The following CNST variants were observed in gnomAD, a reference collection of about 807,000 sequenced individuals.
CNST encodes consortin, connexin sorting protein.
In CNST, 39 loss-of-function variants were observed where a neutral mutation model predicts 72.4. The observed-to-expected ratio is 0.54, with a 90% CI of 0.42 to 0.70. The LOEUF (loss-of-function observed/expected upper bound fraction) is 0.70, where lower values mean the gene tolerates loss of function less well. CNST is among the 30% of genes least tolerant of loss of function. The probability of loss-of-function intolerance (pLI) is 0.00; values close to 1 mark genes in which losing one functional copy is unlikely to be tolerated. For missense variants in CNST, 871 were observed against 868.5 expected, an observed-to-expected ratio of 1.00 and a Z score of -0.04; for synonymous variants, 332 against 320.1, an observed-to-expected ratio of 1.04 and a Z score of -0.40.
rs1666193001 is a variant in CNST at position 246,647,731 on chromosome 1, C to T, written c.1530C>T (p.Leu510=). The change falls in exon 9 of 11, where the codon CTC becomes CTT. Residue 510 remains leucine, a synonymous_variant. Coordinates refer to ENST00000366513, the MANE Select transcript of CNST (RefSeq NM_152609.3). ...QADSDGSENV[L]CGNNQISDLG... ...ACTCAGACGGTTCTGAGAATGTGCT[C>T]TGTGGAAATAATCAAATATCTGACT... 1 of 1,614,022 alleles carries T rather than the reference C, an allele frequency of 6.2e-7. No homozygotes were observed. The highest frequency in any genetic ancestry group is 1.3e-5 in the African/African-American group (1 of 74,910).
At chr1:246,606,727 C>T (rs1233361012) in intron 2 of CNST, 3 of 151,866 alleles carry the variant, frequency 2.0e-5, no homozygotes. Context: ...CGGTCTTTGG[C>T]TTCCTCCTGC....
chr1:246,613,032 T>C (rs1663437654), intron 2 of CNST, among the ~76,000 whole-genome samples: 1 of 152,192 alleles, frequency 6.6e-6, no homozygotes, highest in Non-Finnish European at 1.5e-5. Flanking sequence ...ATGTGGATTA[T>C]CTCATTTACT....
At position 246,642,034 on chromosome 1, in the gene CNST, T is replaced by A. The variant is rs1320978901; in HGVS notation, c.934T>A (p.Ser312Thr). 6.3e-7 allele frequency: 1 copy of A among 1,594,290 alleles called. No individual in the cohort carries two copies. Among genetic ancestry groups the A allele is most frequent in the African/African-American group, 1.3e-5 (1 of 74,226 alleles). Residue 312 changes from serine (S) to threonine (T), a missense_variant, in exon 8 of 11, where the codon TCA becomes ACA. Ser to Thr is a moderately conservative substitution (Grantham distance 58). Coordinates refer to ENST00000366513, the MANE Select transcript of CNST (RefSeq NM_152609.3). ...GGAAGGAGGAGCTACCACCAAAGAG[T>A]CAGGTATGTTTTTAACTTAAGCTAT... ...PKEGGATTKE[S>T]ESKTCLGTES...
In CNST at chr1:246,633,918, A is replaced by G; in HGVS notation, c.617-6A>G. On this transcript the variant is annotated splice_region_variant and splice_polypyrimidine_tract_variant and intron_variant, in intron 4 of 10. Coordinates refer to ENST00000366513, the MANE Select transcript of CNST (RefSeq NM_152609.3). Reference sequence around the variant, plus strand: ...GATTTCTATTTTCCTTAAATGTTCTATTCAGATGAGAAAGCAATGAAATTC... The same window carrying G: ...GATTTCTATTTTCCTTAAATGTTCTGTTCAGATGAGAAAGCAATGAAATTC... 1 of 1,580,902 alleles carries G rather than the reference A, an allele frequency of 6.3e-7. No individual in the cohort carries two copies. The highest frequency in any genetic ancestry group is 8.7e-7 in the Non-Finnish European group (1 of 1,149,806).
intron 5 of CNST, 22 bp downstream of exon 5, chr1:246,634,032 A>C: frequency 6.8e-7 from 1 of 1,460,034 alleles, no homozygotes; most frequent in Non-Finnish European, 9.6e-7. Context: ...CCAACATGGA[A>C]TGTGGAATTA....
chr1:246,594,543 G>T (rs1359399616), intron 2 of CNST, among the ~76,000 whole-genome samples: 1 of 152,104 alleles, frequency 6.6e-6, no homozygotes, highest in Non-Finnish European at 1.5e-5. Context: ...GGCTGACAGG[G>T]CAGATCACTT....
rs928471830 is a variant in CNST at position 246,618,580 on chromosome 1, C to T, written c.380-2849C>T. Among the ~76,000 whole-genome samples the T allele has an allele frequency of 5.3e-5, 8 of 152,076 alleles. No individual in the cohort carries two copies. In the East Asian group the frequency reaches 5.8e-4, roughly 11 times the overall value. ...CTCCCTACACTCAATGATTAAAGTA[C>T]GATATTCTTTCTAATTGCCCATTAG... On this transcript the variant is annotated intron_variant, in intron 2 of 10. Coordinates refer to ENST00000366513, the MANE Select transcript of CNST (RefSeq NM_152609.3).
At chr1:246,636,630 C>T (rs1665269960) in intron 6 of CNST, among the ~76,000 whole-genome samples, 2 of 152,246 alleles carry the variant, frequency 1.3e-5, no homozygotes, top group African/African-American at 2.4e-5. Flanking sequence ...TCCATTCTCT[C>T]TTTCTGTCTT....
intron 8 of CNST, among the ~76,000 whole-genome samples, chr1:246,646,030 A>C (rs923390286): frequency 6.6e-5 from 10 of 152,008 alleles, no homozygotes; most frequent in Admixed American, 2.0e-4. Context: ...CTGTAATCCC[A>C]GCACTTTGGG....
At chr1:246,630,181 G>A (rs527864609) in intron 3 of CNST, among the ~76,000 whole-genome samples, 13 of 152,292 alleles carry the variant, frequency 8.5e-5, no homozygotes, top group African/African-American at 2.2e-4. Flanking sequence ...TGACACCACT[G>A]AAATGAGCAA....
At chr1:246,619,543 C>T (rs961768884) in intron 2 of CNST, among the ~76,000 whole-genome samples, 1 of 152,164 alleles carries the variant, frequency 6.6e-6, no homozygotes, top group Non-Finnish European at 1.5e-5. Context: ...TACTGTACTG[C>T]AACCTAGCGT....
At chr1:246,653,500 A>G (rs1666603833) in intron 9 of CNST, among the ~76,000 whole-genome samples, 1 of 152,226 alleles carries the variant, frequency 6.6e-6, no homozygotes, top group Admixed American at 6.5e-5. Flanking sequence ...CCTCCTCACA[A>G]TAGAAGAAAT....
chr1:246,589,460 A>C (rs61852372), intron 1 of CNST, among the ~76,000 whole-genome samples: 6,382 of 151,046 alleles, frequency 0.042, 174 homozygotes, highest in Middle Eastern at 0.086. Context: ...TTTTTTATGG[A>C]TGCATAGTAT....
intron 2 of CNST, among the ~76,000 whole-genome samples, chr1:246,615,261 C>T (rs1171439688): frequency 1.3e-5 from 2 of 152,100 alleles, no homozygotes; most frequent in African/African-American, 2.4e-5. Context: ...CTGCAACCTC[C>T]GCCTCCCGGG....
In CNST at chr1:246,566,544, C is replaced by T; in HGVS notation, c.-171C>T. On this transcript the variant is annotated 5_prime_UTR_variant, in exon 1 of 11. Transcript: ENST00000366513. Reference sequence around the variant, plus strand: ...GGAAAGGCGAGAGGTGTCTCCTCCACCGGAGCCAGGGGAGACCCGAGCAAG... The same window carrying T: ...GGAAAGGCGAGAGGTGTCTCCTCCATCGGAGCCAGGGGAGACCCGAGCAAG... 1 of 424,884 alleles carries T rather than the reference C, an allele frequency of 2.4e-6. No individual in the cohort carries two copies. The highest frequency in any genetic ancestry group is 4.2e-6 in the Non-Finnish European group (1 of 238,590). The allele number at this position is 424,884 out of a possible 1,614,324, so 26.3% of individuals were successfully genotyped here.
In CNST at chr1:246,655,589, A is replaced by G. The variant is rs140794803; in HGVS notation, c.1837-4610A>G. On this transcript the variant is annotated intron_variant, in intron 9 of 10. Coordinates refer to ENST00000366513, the MANE Select transcript of CNST (RefSeq NM_152609.3). Reference sequence around the variant, plus strand: ...TCATAAATGAGGTGATGTGTAAGATAAGAATTTTTGCTAGAGTCTTATTTG... The same window carrying G: ...TCATAAATGAGGTGATGTGTAAGATGAGAATTTTTGCTAGAGTCTTATTTG... 3.0e-3 allele frequency among the ~76,000 whole-genome samples: 464 copies of G among 152,344 alleles called. 3 individuals are homozygous for G. Among genetic ancestry groups the G allele is most frequent in the African/African-American group, 0.01 (426 of 41,580 alleles).
chr1:246,579,896 T>C (rs983701751), intron 1 of CNST, among the ~76,000 whole-genome samples: 39 of 152,354 alleles, frequency 2.6e-4, no homozygotes, highest in Non-Finnish European at 5.1e-4. Context: ...CCATAAATTG[T>C]CTCATTTTAT....
intron 9 of CNST, among the ~76,000 whole-genome samples, chr1:246,659,560 A>C (rs897958198): frequency 6.6e-6 from 1 of 151,306 alleles, no homozygotes; most frequent in East Asian, 1.9e-4. Flanking sequence ...GCGCCACTGC[A>C]CTCCAGCCTG....
At chr1:246,577,267 TTTG>T (rs1378747150) in intron 1 of CNST, among the ~76,000 whole-genome samples, 2 of 151,914 alleles carry the variant, frequency 1.3e-5, no homozygotes, top group East Asian at 3.8e-4. Context: ...TTGTTATGAC[TTTG>T]TTGTTCTCAC....
Sources: allele counts gnomAD v4.1 joint callset (sites outside exome capture counted in the v4.1 genomes callset), GRCh38; gene constraint gnomAD v4.1.1; transcripts MANE v1.5; gene names NCBI Gene and HGNC (gene_info 2026-07-23, HGNC 2026-07-21).